The following RETREG1 variants were observed in gnomAD, a reference collection of about 807,000 sequenced individuals.
RETREG1 encodes reticulophagy regulator 1, also known as family with sequence similarity 134 member B.
A neutral mutation model predicts 54.8 loss-of-function variants in RETREG1; 44 were observed. The observed-to-expected ratio is 0.80, with a 90% CI of 0.63 to 1.03. The LOEUF is 1.03. Ranked by LOEUF, RETREG1 falls within the 50% of genes least tolerant of loss-of-function variation. The pLI is 0.00. For synonymous variants in RETREG1, 217 were observed against 238.5 expected (o/e 0.91, Z 0.83); for missense variants, 554 against 605.1 (o/e 0.92, Z 0.89).
At chr5:16,488,442 G>C (rs1263456022) in intron 3 of RETREG1, among the ~76,000 whole-genome samples, 3 of 152,114 alleles carry the variant, frequency 2.0e-5, no homozygotes, top group African/African-American at 7.2e-5. Context: ...CATTGCTGAG[G>C]GTCCAAAAAG....
intron 1 of RETREG1, among the ~76,000 whole-genome samples, chr5:16,596,146 A>G (rs1038680701): frequency 5.9e-5 from 9 of 152,168 alleles, no homozygotes; most frequent in Non-Finnish European, 1.3e-4. Context: ...CTCTCCTTTC[A>G]TTTCATCATA....
chr5:16,505,918 ACCCTCTCC>A (rs1739935408), intron 3 of RETREG1, among the ~76,000 whole-genome samples: 1 of 151,986 alleles, frequency 6.6e-6, no homozygotes, highest in Non-Finnish European at 1.5e-5. Flanking sequence ...ATTCAGGCTC[ACCCTCTCC>A]CCTCGTCTCT....
At chr5:16,608,850 C>A (rs1034511839) in intron 1 of RETREG1, among the ~76,000 whole-genome samples, 3 of 152,162 alleles carry the variant, frequency 2.0e-5, no homozygotes, top group African/African-American at 7.2e-5. Flanking sequence ...ATAATTTTTT[C>A]ACTCTGTGCT....
intron 8 of RETREG1, 136 bp downstream of exon 8, chr5:16,477,526 T>G: frequency 1.2e-6 from 1 of 864,924 alleles, no homozygotes; most frequent in Non-Finnish European, 1.8e-6. Context: ...TATCAGGACT[T>G]CATTTTTATA....
chr5:16,518,852 C>T lies in RETREG1; in HGVS notation c.459-35380G>A, dbSNP rs777567943. 3.9e-4 allele frequency among the ~76,000 whole-genome samples: 60 copies of T among 152,204 alleles called. 1 individual carries two copies. Among genetic ancestry groups the T allele is most frequent in the Admixed American group, 3.2e-3 (49 of 15,284 alleles). ...CACTGACTCAAGAGTCTAAGAATTT[C>T]CCATCTTCACCCTTCCATAGCCCAC... On this transcript the variant is annotated intron_variant, in intron 3 of 8. Coordinates refer to ENST00000306320, the MANE Select transcript of RETREG1 (RefSeq NM_001034850.3).
At chr5:16,514,830 A>T (rs1040361055) in intron 3 of RETREG1, among the ~76,000 whole-genome samples, 2 of 150,876 alleles carry the variant, frequency 1.3e-5, no homozygotes, top group African/African-American at 4.9e-5. Context: ...ACGGTCTCCA[A>T]CTCCATCCAG....
At chr5:16,514,035 T>C (rs1740267975) in intron 3 of RETREG1, among the ~76,000 whole-genome samples, 1 of 152,268 alleles carries the variant, frequency 6.6e-6, no homozygotes, top group African/African-American at 2.4e-5. Context: ...TTAACATTGA[T>C]CTTTTTAAGA....
chr5:16,510,007 T>C (rs1740117281), intron 3 of RETREG1, among the ~76,000 whole-genome samples: 1 of 152,246 alleles, frequency 6.6e-6, no homozygotes, highest in East Asian at 1.9e-4. Flanking sequence ...AAAAAGCTAA[T>C]AATAAAATAA....
chr5:16,599,373 T>C (rs1425952986), intron 1 of RETREG1, among the ~76,000 whole-genome samples: 2 of 152,220 alleles, frequency 1.3e-5, no homozygotes, highest in African/African-American at 4.8e-5. Flanking sequence ...TACTCAGTAA[T>C]AAATTATCAT....
chr5:16,523,587 G>A (rs189489878), intron 3 of RETREG1, among the ~76,000 whole-genome samples: 62 of 152,158 alleles, frequency 4.1e-4, no homozygotes, highest in Non-Finnish European at 6.2e-4. Context: ...AAAGTAGCTT[G>A]CCAAATTTGC....
At chr5:16,522,681 A>C (rs1304322988) in intron 3 of RETREG1, among the ~76,000 whole-genome samples, 1 of 152,100 alleles carries the variant, frequency 6.6e-6, no homozygotes, top group Non-Finnish European at 1.5e-5. Flanking sequence ...GGACATACAC[A>C]AACTTGTTTT....
At chr5:16,493,142 G>A (rs13185483) in intron 3 of RETREG1, among the ~76,000 whole-genome samples, 34,724 of 151,772 alleles carry the variant, frequency 0.23, 4,262 homozygotes, top group Middle Eastern at 0.31. Context: ...TTACTTTTGC[G>A]ATTGACCCTT....
intron 3 of RETREG1, among the ~76,000 whole-genome samples, chr5:16,564,813 C>T (rs778201652): frequency 1.3e-5 from 2 of 152,330 alleles, no homozygotes; most frequent in Admixed American, 6.5e-5. Flanking sequence ...CAGTTGTAAA[C>T]AGATCATGAA....
At chr5:16,524,461 T>C (rs1449758951) in intron 3 of RETREG1, among the ~76,000 whole-genome samples, 2 of 152,198 alleles carry the variant, frequency 1.3e-5, no homozygotes, top group African/African-American at 2.4e-5. Context: ...AGGTTTAAAA[T>C]AGAAAGGGGA....
intron 3 of RETREG1, among the ~76,000 whole-genome samples, chr5:16,510,252 G>A (rs1007401459): frequency 2.0e-5 from 3 of 151,966 alleles, no homozygotes; most frequent in African/African-American, 4.8e-5. Context: ...CATATTTTAC[G>A]CAAGACCTAA....
intron 3 of RETREG1, among the ~76,000 whole-genome samples, chr5:16,521,777 G>A (rs1740541364): frequency 1.3e-5 from 2 of 152,222 alleles, no homozygotes; most frequent in South Asian, 2.1e-4. Flanking sequence ...CTCTGCTGAT[G>A]TCAGGTTTAA....
rs1031474503 is a variant in RETREG1 at position 16,594,590 on chromosome 5, T to C, written c.320+22062A>G. 6.6e-6 allele frequency among the ~76,000 whole-genome samples: 1 copy of C among 152,028 alleles called. No homozygotes were observed. Among genetic ancestry groups the C allele is most frequent in the Non-Finnish European group, 1.5e-5 (1 of 67,992 alleles). ...AAATACAAAAATTAGCTGGGCGTGG[T>C]GGCGCATGTCTGTAGTCCCAGATAC... On this transcript the variant is annotated intron_variant, in intron 1 of 8. Transcript: ENST00000306320. This position sits in a 1 kb window ranked among gnomAD's most constrained non-coding sequence, Gnocchi z 4.4.
Position 16,495,173 on chromosome 5 carries a change from T to A in RETREG1, c.459-11701A>T, listed in dbSNP as rs112786516. Among the ~76,000 whole-genome samples, 901 of 152,280 alleles carry A rather than the reference T, an allele frequency of 5.9e-3. 12 individuals are homozygous for A. The highest frequency in any genetic ancestry group is 0.021 in the African/African-American group (869 of 41,550). On this transcript the variant is annotated intron_variant, in intron 3 of 8. Transcript: ENST00000306320. ...TAGCCTGGCTGCTTCTAAAAACCTA[T>A]GCTTATATGTGTGAGCAAAGAAATG...
chr5:16,616,968 C>A lies in RETREG1; in HGVS notation c.4G>T (p.Ala2Ser), dbSNP rs1450302029. 7.0e-7 allele frequency: 1 copy of A among 1,423,694 alleles called. No homozygotes were observed. The highest frequency in any genetic ancestry group is 9.2e-7 in the Non-Finnish European group (1 of 1,091,076). 88.2% of individuals were successfully genotyped at this position (1,423,694 alleles called of 1,614,324 possible). A position where few individuals can be genotyped will look rare whatever the true frequency, so the allele number is the denominator to read the frequency against. MASPAPPEHAEE... is the reference protein window; with the variant it reads MSSPAPPEHAEE... ...GCGTGCTCCGGAGGCGCCGGGCTCGCCATCTTCAGCTGTGCTTCCAGACAG... is the reference window on the plus strand; with the variant it reads ...GCGTGCTCCGGAGGCGCCGGGCTCGACATCTTCAGCTGTGCTTCCAGACAG... Residue 2 changes from alanine (A) to serine (S), a missense_variant, in exon 1 of 9, where the codon GCG (alanine) becomes TCG (serine). Transcript: ENST00000306320.
Sources: allele counts gnomAD v4.1 joint callset (sites outside exome capture counted in the v4.1 genomes callset), GRCh38; gene constraint gnomAD v4.1.1; non-coding constraint Gnocchi (gnomAD v3.1); transcripts MANE v1.5; gene names NCBI Gene and HGNC (gene_info 2026-07-23, HGNC 2026-07-21).